Variants in MARCHF1 observed in about 807,000 individuals in gnomAD.
The protein encoded by MARCHF1 is membrane associated ring-CH-type finger 1.
Under a neutral mutation model 54.2 loss-of-function variants are expected in MARCHF1, and 40 were observed. The ratio of observed to expected loss-of-function variants is 0.74; its 90% CI spans 0.57 to 0.96. MARCHF1 has a LOEUF of 0.96. MARCHF1 is among the 40% of genes least tolerant of loss of function. MARCHF1 has a pLI of 0.00. For missense variants in MARCHF1, 586 were observed against 656.5 expected, an observed-to-expected ratio of 0.89 and a Z score of 1.17; for synonymous variants, 236 against 236.3, an observed-to-expected ratio of 1.00 and a Z score of 0.01.
At position 163,882,688 on chromosome 4, in the gene MARCHF1, G is replaced by A. The variant is rs1371739735; in HGVS notation, c.-38-28519C>T. Among the ~76,000 whole-genome samples, 2 of 151,930 alleles carry A rather than the reference G, an allele frequency of 1.3e-5. 1 individual carries two copies. Among genetic ancestry groups the A allele is most frequent in the Non-Finnish European group, 2.9e-5 (2 of 68,018 alleles). On this transcript the variant is annotated intron_variant, in intron 3 of 9. Transcript: ENST00000514618. The stretch of plus-strand genomic sequence containing the variant: ...ACATTAAAATTTTAACAAATTATTA[G>A]CTGGGGGCAGTGGCTTATACCTGTA...
chr4:164,057,789 C>T (rs139812067), intron 2 of MARCHF1, among the ~76,000 whole-genome samples: 1 of 152,288 alleles, frequency 6.6e-6, no homozygotes, highest in African/African-American at 2.4e-5. Context: ...CTTAATAAGG[C>T]ACCATAATTT....
At chr4:163,573,520 A>T (rs1489586909) in intron 8 of MARCHF1, among the ~76,000 whole-genome samples, 2 of 129,544 alleles carry the variant, frequency 1.5e-5, no homozygotes, top group African/African-American at 3.0e-5. Flanking sequence ...TGTCCATGTG[A>T]TCTCATTGTT....
At chr4:164,343,300 G>A (rs189085876) in intron 1 of MARCHF1, among the ~76,000 whole-genome samples, 456 of 152,120 alleles carry the variant, frequency 3.0e-3, no homozygotes, top group Non-Finnish European at 5.4e-3. Context: ...CAAAGCTGAG[G>A]AAATTTTTTT....
At chr4:164,095,670 C>T (rs1411261891) in intron 2 of MARCHF1, among the ~76,000 whole-genome samples, 2 of 151,868 alleles carry the variant, frequency 1.3e-5, no homozygotes, top group Non-Finnish European at 2.9e-5. Context: ...AACTTTCATC[C>T]CTATCTCTGA....
chr4:163,632,497 G>A (rs1220698901), intron 5 of MARCHF1, among the ~76,000 whole-genome samples: 6 of 152,202 alleles, frequency 3.9e-5, no homozygotes, highest in Non-Finnish European at 8.8e-5. Context: ...ACGGCACCTG[G>A]AAAATCGGGT....
intron 1 of MARCHF1, among the ~76,000 whole-genome samples, chr4:164,321,642 AC>A (rs1441385589): frequency 6.6e-6 from 1 of 152,120 alleles, no homozygotes; most frequent in Non-Finnish European, 1.5e-5. Context: ...AGAACCTAGA[AC>A]CATGATAAGG....
intron 5 of MARCHF1, among the ~76,000 whole-genome samples, chr4:163,618,301 T>C (rs1299627595): frequency 6.6e-6 from 1 of 152,130 alleles, no homozygotes; most frequent in Non-Finnish European, 1.5e-5. Flanking sequence ...CATTGTTCCA[T>C]GTGCTTTTGC....
At chr4:164,203,867 G>A (rs2111096429) in intron 1 of MARCHF1, among the ~76,000 whole-genome samples, 1 of 152,250 alleles carries the variant, frequency 6.6e-6, no homozygotes, top group Non-Finnish European at 1.5e-5. Context: ...CTAAAAATGG[G>A]AAGTAACTGG....
At chr4:163,677,556 T>A (rs1055774121) in intron 5 of MARCHF1, among the ~76,000 whole-genome samples, 1 of 152,212 alleles carries the variant, frequency 6.6e-6, no homozygotes, top group Non-Finnish European at 1.5e-5. Flanking sequence ...CCTAGAGAAG[T>A]CTTGTCAATT....
intron 1 of MARCHF1, among the ~76,000 whole-genome samples, chr4:164,178,038 A>G (rs546211637): frequency 1.3e-5 from 2 of 152,318 alleles, no homozygotes; most frequent in Admixed American, 6.5e-5. Context: ...ATAACAGAGT[A>G]CTGATGTGCA....
At chr4:164,313,015 T>C in intron 1 of MARCHF1, among the ~76,000 whole-genome samples, 1 of 144,290 alleles carries the variant, frequency 6.9e-6, no homozygotes, top group South Asian at 2.4e-4. Context: ...TGTCTTTCTC[T>C]GAAAAAAATC....
At chr4:164,332,457 A>G (rs763324811) in intron 1 of MARCHF1, among the ~76,000 whole-genome samples, 1 of 152,208 alleles carries the variant, frequency 6.6e-6, no homozygotes, top group Non-Finnish European at 1.5e-5. Context: ...TGTATTGCTG[A>G]TGGCAGTGGG....
chr4:164,288,905 T>C (rs534573522), intron 1 of MARCHF1, among the ~76,000 whole-genome samples: 36 of 152,228 alleles, frequency 2.4e-4, no homozygotes, highest in African/African-American at 8.4e-4. Flanking sequence ...TTAAAACCTG[T>C]AAACAAATTC....
intron 5 of MARCHF1, among the ~76,000 whole-genome samples, chr4:163,633,855 G>T (rs1742203715): frequency 6.6e-6 from 1 of 152,136 alleles, no homozygotes; most frequent in Admixed American, 6.5e-5. Context: ...AGAAAGGTCG[G>T]GTTACCCTCA....
At chr4:164,095,237 A>G (rs1255534060) in intron 2 of MARCHF1, among the ~76,000 whole-genome samples, 1 of 152,092 alleles carries the variant, frequency 6.6e-6, no homozygotes, top group African/African-American at 2.4e-5. Flanking sequence ...CCACCACTCA[A>G]TAGCATCAGG....
intron 1 of MARCHF1, among the ~76,000 whole-genome samples, chr4:164,358,101 T>G (rs185779032): frequency 6.6e-6 from 1 of 152,196 alleles, no homozygotes; most frequent in African/African-American, 2.4e-5. Flanking sequence ...CACAAAAACT[T>G]AGAGCTTACA....
intron 5 of MARCHF1, among the ~76,000 whole-genome samples, chr4:163,636,047 C>T (rs1269781322): frequency 2.3e-4 from 35 of 152,148 alleles, no homozygotes; most frequent in Admixed American, 2.2e-3. Flanking sequence ...TTCAACAACC[C>T]TTCATGCTAA....
At chr4:163,784,128 C>T (rs1314354602) in intron 4 of MARCHF1, among the ~76,000 whole-genome samples, 4 of 149,234 alleles carry the variant, frequency 2.7e-5, no homozygotes, top group Non-Finnish European at 6.0e-5. Context: ...ATGATTCTAA[C>T]CAGCAGAAAT....
intron 2 of MARCHF1, among the ~76,000 whole-genome samples, chr4:163,989,120 C>T (rs573938784): frequency 3.3e-5 from 5 of 152,248 alleles, no homozygotes; most frequent in East Asian, 3.9e-4. Context: ...TTGCTGACTA[C>T]GTAAATAAGC....
Sources: gnomAD v4.1 joint callset for allele counts (sites outside exome capture counted in the v4.1 genomes callset) on GRCh38, gnomAD v4.1.1 for gene constraint, MANE v1.5 for transcripts, NCBI Gene and HGNC (gene_info 2026-07-23, HGNC 2026-07-21) for gene names.